The following ZNF469 variants were observed in gnomAD, a reference collection of about 807,000 sequenced individuals.
The protein encoded by ZNF469 is zinc finger protein 469.
A neutral mutation model predicts 1.0 loss-of-function variants in ZNF469; 1 was observed. That is an observed-to-expected ratio of 1.00 (90% CI 0.35 to 4.73). ZNF469 has a LOEUF of 4.73. ZNF469 is among the 30% of genes most tolerant of loss of function. ZNF469 has a pLI of 0.16. For synonymous variants in ZNF469, 2,703 were observed against 2,363.4 expected (o/e 1.14, Z -4.17); for missense variants, 6,100 against 5,356.3 (o/e 1.14, Z -4.33).
the ZNF469 span, among the ~76,000 whole-genome samples, chr16:88,200,363 G>C: frequency 2.6e-5 from 4 of 152,200 alleles, no homozygotes; most frequent in African/African-American, 9.6e-5. Context: ...CTCAGAGCTG[G>C]AAGGAGCTGA....
the ZNF469 span, among the ~76,000 whole-genome samples, chr16:88,185,474 A>G: frequency 7.4e-6 from 1 of 135,280 alleles, no homozygotes; most frequent in Non-Finnish European, 1.6e-5. Context: ...ACACTCACAC[A>G]TTTGCACACT....
At chr16:88,390,958 C>A (rs924287031) in intron 1 of ZNF469, among the ~76,000 whole-genome samples, 1 of 152,232 alleles carries the variant, frequency 6.6e-6, no homozygotes, top group Non-Finnish European at 1.5e-5. Context: ...TCCGAAAGAC[C>A]CGACCCAGGC....
chr16:88,381,053 C>T (rs2092522236), upstream of ZNF469, among the ~76,000 whole-genome samples: 1 of 149,366 alleles, frequency 6.7e-6, no homozygotes, highest in Non-Finnish European at 1.5e-5. Context: ...CTCACACAGA[C>T]ACGCTCTCAC....
the ZNF469 span, among the ~76,000 whole-genome samples, chr16:88,107,019 G>A: frequency 1.3e-5 from 2 of 152,356 alleles, no homozygotes; most frequent in African/African-American, 2.4e-5. Context: ...TAACAGCAGC[G>A]AGGGTCACGA....
chr16:88,337,505 C>A, the ZNF469 span, among the ~76,000 whole-genome samples: 1 of 152,204 alleles, frequency 6.6e-6, no homozygotes. Context: ...ATACAACACC[C>A]AAGTGTTTGC....
chr16:88,227,843 C>T, the ZNF469 span, among the ~76,000 whole-genome samples: 1 of 152,202 alleles, frequency 6.6e-6, no homozygotes, highest in Non-Finnish European at 1.5e-5. Context: ...GGGTGCCAGC[C>T]GTCCTCGGCG....
the ZNF469 span, among the ~76,000 whole-genome samples, chr16:88,365,710 A>G: frequency 6.6e-3 from 1,000 of 152,258 alleles, 14 homozygotes; most frequent in African/African-American, 0.021. Flanking sequence ...TGGTGCTGGT[A>G]TGGCTTCAGG....
the ZNF469 span, among the ~76,000 whole-genome samples, chr16:88,204,375 G>A: frequency 6.6e-6 from 1 of 152,328 alleles, no homozygotes; most frequent in East Asian, 1.9e-4. Flanking sequence ...TGGGCATCCT[G>A]GGAACTGGGC....
chr16:88,213,119 G>A, the ZNF469 span, among the ~76,000 whole-genome samples: 1 of 151,396 alleles, frequency 6.6e-6, no homozygotes, highest in Non-Finnish European at 1.5e-5. Flanking sequence ...TTTTCTTTGA[G>A]ATGGAGTCTC....
chr16:88,256,904 T>TCTCTCTCTC, the ZNF469 span, among the ~76,000 whole-genome samples: 30 of 15,854 alleles, frequency 1.9e-3, 2 homozygotes, highest in African/African-American at 5.9e-3. Flanking sequence ...CCTTCTTTCT[T>TCTCTCTCTC]TCTTTCTTTC....
At chr16:88,380,150 CAA>C, upstream of ZNF469, among the ~76,000 whole-genome samples, 2 of 148,354 alleles carry the variant, frequency 1.3e-5, no homozygotes, top group African/African-American at 2.5e-5. Flanking sequence ...CACTCACACA[CAA>C]ATGCACTCAC....
chr16:88,424,182 C>G lies in ZNF469; in HGVS notation c.-191-625C>G, dbSNP rs958171872. 6.6e-6 allele frequency among the ~76,000 whole-genome samples: 1 copy of G among 152,230 alleles called. No homozygotes were observed. Among genetic ancestry groups the G allele is most frequent in the African/African-American group, 2.4e-5 (1 of 41,456 alleles). ...GTCCATCCAGACAGGTCTGGGTGCT[C>G]TGCAGCCTGGATGCGAGGACGAGTG... On this transcript the variant is annotated intron_variant, in intron 1 of 2. Coordinates refer to ENST00000565624, the MANE Select transcript of ZNF469 (RefSeq NM_001367624.2). The surrounding 1 kb of genome is among the most constrained non-coding windows in gnomAD (Gnocchi z 4.3).
At chr16:88,255,441 C>A in the ZNF469 span, among the ~76,000 whole-genome samples, 1 of 152,174 alleles carries the variant, frequency 6.6e-6, no homozygotes, top group Admixed American at 6.5e-5. Context: ...ATTTTTAGAG[C>A]AAAGTCTAAA....
rs1368408459 is a variant in ZNF469 at position 88,403,157 on chromosome 16, G to A, written c.-192+19903G>A. 2.6e-5 allele frequency among the ~76,000 whole-genome samples: 4 copies of A among 152,174 alleles called. 1 individual carries two copies. In the South Asian group the frequency reaches 6.2e-4, roughly 24 times the overall value. ...GGAGGCCGAGTGCGGTTGGGAGCTCGGGGCCAGTGGCCGTGCTGGATGCTT... is the reference window on the plus strand; with the variant it reads ...GGAGGCCGAGTGCGGTTGGGAGCTCAGGGCCAGTGGCCGTGCTGGATGCTT... On this transcript the variant is annotated intron_variant, in intron 1 of 2. Coordinates refer to ENST00000565624, the MANE Select transcript of ZNF469 (RefSeq NM_001367624.2).
At chr16:88,223,623 G>A in the ZNF469 span, among the ~76,000 whole-genome samples, 2 of 152,154 alleles carry the variant, frequency 1.3e-5, no homozygotes, top group African/African-American at 2.4e-5. Flanking sequence ...ATGATGCCTC[G>A]ACCCTGGTGC....
At chr16:88,358,359 A>G in the ZNF469 span, among the ~76,000 whole-genome samples, 5 of 152,306 alleles carry the variant, frequency 3.3e-5, no homozygotes, top group South Asian at 2.1e-4. Context: ...GCAGAGTGTC[A>G]TGATGCGAGA....
chr16:88,200,127 GA>G, the ZNF469 span, among the ~76,000 whole-genome samples: 61,140 of 151,900 alleles, frequency 0.4, 12,559 homozygotes, highest in Admixed American at 0.48. Flanking sequence ...CGGCACGGCC[GA>G]AGAGAACACG....
intron 1 of ZNF469, among the ~76,000 whole-genome samples, chr16:88,407,409 C>G (rs556958270): frequency 4.9e-4 from 75 of 152,330 alleles, no homozygotes; most frequent in Non-Finnish European, 8.7e-4. Flanking sequence ...TGGGGCGGAC[C>G]CTCATCAGCG....
chr16:88,167,338 A>G, the ZNF469 span, among the ~76,000 whole-genome samples: 28 of 152,144 alleles, frequency 1.8e-4, no homozygotes, highest in Non-Finnish European at 3.5e-4. Context: ...CTGGGATTAC[A>G]GGCGTGAGCC....
Sources: gnomAD v4.1 joint callset for allele counts (sites outside exome capture counted in the v4.1 genomes callset) on GRCh38, gnomAD v4.1.1 for gene constraint, Gnocchi (gnomAD v3.1) non-coding constraint, MANE v1.5 for transcripts, NCBI Gene and HGNC (gene_info 2026-07-23, HGNC 2026-07-21) for gene names.